The following PCCA variants were observed in gnomAD, a reference collection of about 807,000 sequenced individuals.
PCCA encodes the protein propionyl-CoA carboxylase subunit alpha.
PCCA carries 74 observed loss-of-function variants against 101.3 expected under a neutral mutation model. That is an observed-to-expected ratio of 0.73 (90% CI 0.61 to 0.89). The LOEUF is 0.89. Among genes scored for constraint, PCCA ranks in the 40% least tolerant of loss-of-function variants. PCCA has a pLI of 0.00. For synonymous variants in PCCA, 294 were observed against 313.6 expected (o/e 0.94, Z 0.66); for missense variants, 891 against 907.0 (o/e 0.98, Z 0.23).
chr13:100,406,634 G>A (rs1170094356), intron 19 of PCCA, among the ~76,000 whole-genome samples: 3 of 152,218 alleles, frequency 2.0e-5, no homozygotes, highest in Admixed American at 1.3e-4. Context: ...AACCGGGAAG[G>A]TGGAGGTTGC....
At chr13:100,461,916 AC>A (rs772824498) in intron 21 of PCCA, among the ~76,000 whole-genome samples, 5 of 152,154 alleles carry the variant, frequency 3.3e-5, no homozygotes, top group Non-Finnish European at 5.9e-5. Context: ...TAGTCTGTTT[AC>A]CCTCAACTCC....
At chr13:100,409,207 A>G (rs1480772422) in intron 19 of PCCA, among the ~76,000 whole-genome samples, 1 of 152,180 alleles carries the variant, frequency 6.6e-6, no homozygotes, top group Non-Finnish European at 1.5e-5. Flanking sequence ...GTGGGGGCAC[A>G]GTTTCCTCCA....
At chr13:100,206,737 T>C (rs1369313962) in intron 6 of PCCA, among the ~76,000 whole-genome samples, 1 of 152,206 alleles carries the variant, frequency 6.6e-6, no homozygotes, top group Non-Finnish European at 1.5e-5. Context: ...CACGAAGGTC[T>C]CTGACCTTCC....
At chr13:100,104,181 G>T (rs2047543296) in intron 2 of PCCA, among the ~76,000 whole-genome samples, 1 of 152,194 alleles carries the variant, frequency 6.6e-6, no homozygotes, top group Non-Finnish European at 1.5e-5. Flanking sequence ...GATTATTTGA[G>T]AATGACATGT....
chr13:100,327,391 T>G (rs1233457676), intron 16 of PCCA, among the ~76,000 whole-genome samples: 1 of 152,242 alleles, frequency 6.6e-6, no homozygotes, highest in Non-Finnish European at 1.5e-5. Flanking sequence ...CCTTGTTATT[T>G]AATGTGTTAT....
rs534660698 is a variant in PCCA, at chr13:100,445,481, C to T, written c.1846-3771C>T. On this transcript the variant is annotated intron_variant, in intron 20 of 23. Coordinates refer to ENST00000376285, the MANE Select transcript of PCCA (RefSeq NM_000282.4). ...AAATTTCAAGAATATATTAATAATA[C>T]GTCGTCATTAACTGTGGTTTCTATA... Among the ~76,000 whole-genome samples, 8 of 152,192 alleles carry T rather than the reference C, an allele frequency of 5.3e-5. No individual in the cohort carries two copies. In the South Asian group the frequency reaches 6.2e-4, roughly 12 times the overall value.
chr13:100,523,519 G>C (rs1046564173), intron 22 of PCCA, among the ~76,000 whole-genome samples: 23 of 152,280 alleles, frequency 1.5e-4, no homozygotes, highest in Admixed American at 1.4e-3. Flanking sequence ...CAGCTCTTCA[G>C]CACAGAGCAA....
At chr13:100,444,690 C>G (rs548792252) in intron 20 of PCCA, among the ~76,000 whole-genome samples, 32 of 152,194 alleles carry the variant, frequency 2.1e-4, no homozygotes, top group Admixed American at 8.5e-4. Context: ...ATCCGCCCAC[C>G]TTGGCCTCCC....
At chr13:100,133,696 G>A (rs899062490) in intron 4 of PCCA, among the ~76,000 whole-genome samples, 4 of 152,168 alleles carry the variant, frequency 2.6e-5, no homozygotes, top group Admixed American at 6.5e-5. Flanking sequence ...GTTGAAGGAT[G>A]CAAAGTATTG....
At chr13:100,372,670 A>G (rs186317608) in intron 19 of PCCA, among the ~76,000 whole-genome samples, 43 of 152,230 alleles carry the variant, frequency 2.8e-4, no homozygotes, top group Middle Eastern at 3.4e-3. Flanking sequence ...TCAGAGTACA[A>G]TCAACAGAGT....
At chr13:100,213,681 G>C (rs1160254577) in intron 7 of PCCA, among the ~76,000 whole-genome samples, 1 of 152,052 alleles carries the variant, frequency 6.6e-6, no homozygotes, top group African/African-American at 2.4e-5. Context: ...CCCATTCCAT[G>C]AGTTGTCTCT....
intron 6 of PCCA, among the ~76,000 whole-genome samples, chr13:100,171,411 C>T (rs2055621794): frequency 6.6e-6 from 1 of 152,156 alleles, no homozygotes; most frequent in Non-Finnish European, 1.5e-5. Context: ...ACAGTCTTCT[C>T]TGAGAGTGTG....
intron 12 of PCCA, among the ~76,000 whole-genome samples, chr13:100,299,382 G>GA (rs1259623636): frequency 1.3e-5 from 2 of 152,144 alleles, no homozygotes; most frequent in East Asian, 3.9e-4. Flanking sequence ...CTTTTTAAAA[G>GA]ACATGTATAC....
intron 6 of PCCA, among the ~76,000 whole-genome samples, chr13:100,173,901 G>C (rs1276081866): frequency 1.3e-5 from 2 of 152,172 alleles, no homozygotes; most frequent in Non-Finnish European, 2.9e-5. Flanking sequence ...CTTGCCTGCT[G>C]CCATGTAAGA....
chr13:100,331,687 T>C (rs1427393216), intron 17 of PCCA, among the ~76,000 whole-genome samples: 3 of 152,132 alleles, frequency 2.0e-5, no homozygotes, highest in Non-Finnish European at 4.4e-5. Context: ...AACTAATGAT[T>C]TATTAGGTTG....
At chr13:100,140,261 A>C (rs1594320281) in intron 4 of PCCA, among the ~76,000 whole-genome samples, 1 of 151,860 alleles carries the variant, frequency 6.6e-6, no homozygotes, top group African/African-American at 2.4e-5. Context: ...AGCAGAAAAA[A>C]CCTTGGGGTT....
At chr13:100,341,902 G>A (rs1394643616) in intron 18 of PCCA, among the ~76,000 whole-genome samples, 2 of 145,416 alleles carry the variant, frequency 1.4e-5, no homozygotes, top group Non-Finnish European at 3.0e-5. Context: ...AAAATTACCT[G>A]TAATCCCATA....
intron 14 of PCCA, among the ~76,000 whole-genome samples, chr13:100,303,339 C>T (rs920550366): frequency 6.6e-6 from 1 of 152,062 alleles, no homozygotes; most frequent in Non-Finnish European, 1.5e-5. Context: ...TAAATCGAGT[C>T]CAACCCTGCT....
intron 2 of PCCA, among the ~76,000 whole-genome samples, chr13:100,105,651 C>A: frequency 8.5e-6 from 1 of 117,862 alleles, no homozygotes. Context: ...GAAACCCTGT[C>A]TCTACCAAAA....
Sources: gnomAD v4.1 joint callset for allele counts (sites outside exome capture counted in the v4.1 genomes callset) on GRCh38, gnomAD v4.1.1 for gene constraint, MANE v1.5 for transcripts, NCBI Gene and HGNC (gene_info 2026-07-23, HGNC 2026-07-21) for gene names.